DAB2IP: variants seen among roughly 807,000 people sequenced by gnomAD.
DAB2IP encodes the protein DAB2 interacting protein, also known as disabled homolog 2-interacting protein.
Under a neutral mutation model 107.2 loss-of-function variants are expected in DAB2IP, and 28 were observed. The observed-to-expected ratio is 0.26, with a 90% confidence interval of 0.19 to 0.36. The LOEUF is 0.36. DAB2IP is among the 10% of genes least tolerant of loss of function. The pLI is 1.00. For synonymous variants in DAB2IP, 755 were observed against 706.4 expected, an observed-to-expected ratio of 1.07 and a Z score of -1.09; for missense variants, 1,400 against 1,644.7, an observed-to-expected ratio of 0.85 and a Z score of 2.57.
chr9:121,618,841 C>T (rs530439031), intron 1 of DAB2IP, among the ~76,000 whole-genome samples: 83 of 152,242 alleles, frequency 5.5e-4, no homozygotes, highest in African/African-American at 1.9e-3. Context: ...TGTGCCTTTG[C>T]CTTGGTGGTG....
intron 1 of DAB2IP, among the ~76,000 whole-genome samples, chr9:121,578,661 C>T (rs1830120248): frequency 6.6e-6 from 1 of 150,894 alleles, no homozygotes; most frequent in African/African-American, 2.4e-5. Context: ...TTCTCCGGCC[C>T]TGCAACGGGC....
At chr9:121,630,103 T>C (rs907000001) in intron 1 of DAB2IP, among the ~76,000 whole-genome samples, 1 of 152,198 alleles carries the variant, frequency 6.6e-6, no homozygotes, top group Non-Finnish European at 1.5e-5. Flanking sequence ...TTGCAGAAAT[T>C]CTCATGTCCT....
Position 121,782,633 on chromosome 9 carries a change from G to T in DAB2IP, c.*135G>T. ...GGAGGCCGAGCCTCCCCTCCCTGCC[G>T]CTGTCCAGGAGGCGGCCGCAGAGGG... is the stretch of plus-strand genomic sequence containing the variant. On this transcript the variant is annotated 3_prime_UTR_variant, in exon 16 of 16. Transcript: ENST00000408936. The surrounding 1 kb of genome is among the most constrained non-coding windows in gnomAD (Gnocchi z 6.1). The T allele has an allele frequency of 6.7e-7, 1 of 1,497,432 alleles. No individual in the cohort carries two copies. The highest frequency in any genetic ancestry group is 8.9e-7 in the Non-Finnish European group (1 of 1,126,834). 92.8% of individuals were successfully genotyped at this position (1,497,432 alleles called of 1,614,324 possible). A position where few individuals can be genotyped will look rare whatever the true frequency, so the allele number is the denominator to read the frequency against.
intron 1 of DAB2IP, among the ~76,000 whole-genome samples, chr9:121,676,649 A>G (rs1833920346): frequency 6.6e-6 from 1 of 151,690 alleles, no homozygotes; most frequent in South Asian, 2.1e-4. Flanking sequence ...ACACACACAC[A>G]CACTCACACA....
In DAB2IP at chr9:121,736,901, AGAT is replaced by A. The variant is rs1427933832; in HGVS notation, c.363-20109_363-20107del. On this transcript the variant is annotated intron_variant, in intron 3 of 15. Coordinates refer to ENST00000408936, the Ensembl canonical transcript of DAB2IP. The surrounding 1 kb of genome is among the most constrained non-coding windows in gnomAD (Gnocchi z 4.6). Reference sequence around the variant, plus strand: ...GATAGGTAAAAGACAGAAACAAACAAGATGACTTCAGGGTAGTTCTGTGGAGAA... The same window carrying A: ...GATAGGTAAAAGACAGAAACAAACAAGACTTCAGGGTAGTTCTGTGGAGAA... Among the ~76,000 whole-genome samples, 2 of 152,356 alleles carry A rather than the reference AGAT, an allele frequency of 1.3e-5. No homozygotes were observed. Among genetic ancestry groups the A allele is most frequent in the Admixed American group, 1.3e-4 (2 of 15,310 alleles).
intron 3 of DAB2IP, among the ~76,000 whole-genome samples, chr9:121,709,175 T>C (rs890290919): frequency 8.5e-5 from 13 of 152,142 alleles, no homozygotes; most frequent in African/African-American, 2.9e-4. Context: ...AAACAGAAAC[T>C]AGTGTCTCGG....
At chr9:121,769,562 ATTGATGG>A (rs1305416292) in intron 10 of DAB2IP, among the ~76,000 whole-genome samples, 5 of 152,202 alleles carry the variant, frequency 3.3e-5, no homozygotes, top group Non-Finnish European at 7.3e-5. Context: ...CCAGTCCCCT[ATTGATGG>A]ACACTTAGGT....
chr9:121,703,223 C>T (rs901770472), intron 3 of DAB2IP, among the ~76,000 whole-genome samples: 16 of 152,130 alleles, frequency 1.1e-4, no homozygotes, highest in African/African-American at 3.6e-4. Context: ...GTGAGACAGT[C>T]CCTGGAGGAG....
intron 1 of DAB2IP, among the ~76,000 whole-genome samples, chr9:121,616,820 C>G (rs375667192): frequency 2.9e-4 from 44 of 152,322 alleles, no homozygotes; most frequent in African/African-American, 9.9e-4. Flanking sequence ...CCTTGGAGAG[C>G]CTTTAAAGAG....
intron 2 of DAB2IP, among the ~76,000 whole-genome samples, chr9:121,696,389 A>T (rs188403485): frequency 2.0e-5 from 3 of 152,298 alleles, no homozygotes; most frequent in Admixed American, 1.3e-4. Context: ...ACTGCCCCTC[A>T]ATTAAAGGTT....
chr9:121,582,222 G>A (rs112571286), intron 1 of DAB2IP, among the ~76,000 whole-genome samples: 1 of 152,174 alleles, frequency 6.6e-6, no homozygotes, highest in Non-Finnish European at 1.5e-5. Flanking sequence ...AAAACATCCC[G>A]GCTGGGGGAG....
intron 1 of DAB2IP, among the ~76,000 whole-genome samples, chr9:121,601,628 T>C (rs533649305): frequency 1.3e-5 from 2 of 152,322 alleles, no homozygotes; most frequent in East Asian, 1.9e-4. Context: ...GCACTATTTA[T>C]TGAGTGTTTA....
intron 3 of DAB2IP, among the ~76,000 whole-genome samples, chr9:121,739,368 CT>C (rs1285179477): frequency 1.3e-5 from 2 of 152,198 alleles, no homozygotes; most frequent in Non-Finnish European, 2.9e-5. Flanking sequence ...CTGCCAATGT[CT>C]TTCACCTGGG....
intron 1 of DAB2IP, among the ~76,000 whole-genome samples, chr9:121,627,593 G>T (rs1831708090): frequency 1.3e-5 from 2 of 152,176 alleles, no homozygotes; most frequent in Non-Finnish European, 2.9e-5. Flanking sequence ...GCAGCAGGAT[G>T]TGAGAGTCGG....
At chr9:121,588,639 G>A (rs567164031) in intron 1 of DAB2IP, among the ~76,000 whole-genome samples, 1 of 151,330 alleles carries the variant, frequency 6.6e-6, no homozygotes, top group East Asian at 2.0e-4. Context: ...GAAGGGAAGG[G>A]AAGGAAAGAG....
chr9:121,675,029 C>T (rs942938465), intron 1 of DAB2IP, among the ~76,000 whole-genome samples: 14 of 152,038 alleles, frequency 9.2e-5, no homozygotes, highest in African/African-American at 3.1e-4. Flanking sequence ...CAGTGGGTAC[C>T]CCGTGTTTGT....
chr9:121,756,997 C>A lies in DAB2IP; in HGVS notation c.363-16C>A. ...GGGCTGTGGGGGCCCACCTGACACA[C>A]CTACTGCCACCCCAGGTCCCATCTG... On this transcript the variant is annotated splice_polypyrimidine_tract_variant and intron_variant, in intron 3 of 15. Coordinates refer to ENST00000408936, the Ensembl canonical transcript of DAB2IP. The A allele has an allele frequency of 6.2e-7, 1 of 1,613,652 alleles. No homozygotes were observed. The highest frequency in any genetic ancestry group is 8.5e-7 in the Non-Finnish European group (1 of 1,179,876).
At chr9:121,569,881 C>G (rs1482536058) in intron 1 of DAB2IP, among the ~76,000 whole-genome samples, 1 of 152,186 alleles carries the variant, frequency 6.6e-6, no homozygotes, top group African/African-American at 2.4e-5. Flanking sequence ...CCTTGAACTC[C>G]TAGGCTCAAG....
At chr9:121,725,085 C>T (rs1831157461) in intron 3 of DAB2IP, among the ~76,000 whole-genome samples, 3 of 152,174 alleles carry the variant, frequency 2.0e-5, no homozygotes, top group South Asian at 4.1e-4. Context: ...GTTCCTGGCA[C>T]GATTTCTGTT....
Sources: gnomAD v4.1 joint callset for allele counts (sites outside exome capture counted in the v4.1 genomes callset) on GRCh38, gnomAD v4.1.1 for gene constraint, Gnocchi (gnomAD v3.1) non-coding constraint, MANE v1.5 for transcripts, NCBI Gene and HGNC (gene_info 2026-07-23, HGNC 2026-07-21) for gene names.